Variants in C16orf78 observed in about 807,000 individuals in gnomAD.
C16orf78 encodes the protein chromosome 16 open reading frame 78.
Under a neutral mutation model 27.3 loss-of-function variants are expected in C16orf78, and 19 were observed. That is an observed-to-expected ratio of 0.70 (90% CI 0.49 to 1.02). The LOEUF (loss-of-function observed/expected upper bound fraction) is 1.02, where lower values mean the gene tolerates loss of function less well. C16orf78 is among the 50% of genes least tolerant of loss of function. The pLI is 0.00. For missense variants in C16orf78, 339 were observed against 337.0 expected (o/e 1.01, Z -0.05); for synonymous variants, 130 against 116.1 (o/e 1.12, Z -0.77).
intron 3 of C16orf78, among the ~76,000 whole-genome samples, chr16:49,381,109 G>A (rs1170139925): frequency 6.6e-5 from 10 of 152,138 alleles, no homozygotes; most frequent in East Asian, 1.9e-4. Context: ...TTGACTTGGC[G>A]ATGCGAGCTG....
chr16:49,388,626 C>A (rs1965376837), intron 3 of C16orf78, among the ~76,000 whole-genome samples: 1 of 152,164 alleles, frequency 6.6e-6, no homozygotes, highest in African/African-American at 2.4e-5. Context: ...ATCCTCCCAC[C>A]TCAGCCCCTC....
intron 3 of C16orf78, among the ~76,000 whole-genome samples, chr16:49,391,950 A>G (rs1965417585): frequency 6.6e-6 from 1 of 152,166 alleles, no homozygotes; most frequent in African/African-American, 2.4e-5. Context: ...CACCCTGTCA[A>G]GGACCAGCTA....
At chr16:49,382,028 T>C (rs1204038228) in intron 3 of C16orf78, among the ~76,000 whole-genome samples, 4 of 152,060 alleles carry the variant, frequency 2.6e-5, no homozygotes, top group Non-Finnish European at 5.9e-5. Context: ...TGTCCAACAA[T>C]GATAGACTGG....
intron 2 of C16orf78, 114 bp downstream of exon 2, chr16:49,377,964 A>C: frequency 7.3e-7 from 1 of 1,371,788 alleles, no homozygotes. Flanking sequence ...AGGCTCCGAA[A>C]TTCACTCTGG....
chr16:49,374,064 A>G lies in C16orf78; in HGVS notation c.125A>G (p.Gln42Arg), dbSNP rs1004065420. The G allele has an allele frequency of 1.2e-6, 2 of 1,614,154 alleles. No homozygotes were observed. The highest frequency in any genetic ancestry group is 1.7e-6 in the Non-Finnish European group (2 of 1,180,006). Residue 42 changes from glutamine to arginine, a missense_variant, in exon 1 of 5, where the codon CAG becomes CGG. By Grantham distance (43) the Gln-to-Arg change is conservative. Coordinates refer to ENST00000299191, the MANE Select transcript of C16orf78 (RefSeq NM_144602.4). ...GTGCTGGAGTGGCTGGAGCGGAGGC[A>G]GGGGAAGAAGAAACAAGCTCCCGAG... ...TCVLEWLERR[Q>R]GKKKQAPEKQ...
chr16:49,395,951 G>A (rs569333078), intron 3 of C16orf78, among the ~76,000 whole-genome samples: 1 of 152,226 alleles, frequency 6.6e-6, no homozygotes, highest in African/African-American at 2.4e-5. Flanking sequence ...AAATAAAGAA[G>A]GAGAACCTGG....
At chr16:49,383,185 AG>A (rs1330646700) in intron 3 of C16orf78, among the ~76,000 whole-genome samples, 1 of 152,242 alleles carries the variant, frequency 6.6e-6, no homozygotes, top group African/African-American at 2.4e-5. Flanking sequence ...AGAGGCATCT[AG>A]GAACAGTCTG....
intron 3 of C16orf78, among the ~76,000 whole-genome samples, chr16:49,383,263 A>T (rs1165870258): frequency 6.6e-6 from 1 of 152,236 alleles, no homozygotes; most frequent in African/African-American, 2.4e-5. Flanking sequence ...AGAGCCTCTC[A>T]TGTAGACTGG....
At chr16:49,380,729 A>G (rs1467194335) in intron 3 of C16orf78, among the ~76,000 whole-genome samples, 1 of 152,196 alleles carries the variant, frequency 6.6e-6, no homozygotes, top group Non-Finnish European at 1.5e-5. Context: ...CTGAATGGTA[A>G]TGCCTAAGTT....
chr16:49,379,452 T>C (rs556101748), intron 3 of C16orf78, among the ~76,000 whole-genome samples: 39 of 139,244 alleles, frequency 2.8e-4, no homozygotes, highest in South Asian at 1.3e-3. Flanking sequence ...CGGTCAATTC[T>C]CATATATAAA....
At chr16:49,374,960 A>G (rs1965195729) in intron 1 of C16orf78, among the ~76,000 whole-genome samples, 1 of 152,222 alleles carries the variant, frequency 6.6e-6, no homozygotes, top group Non-Finnish European at 1.5e-5. Context: ...AAATGCCATT[A>G]CTAATAACAA....
chr16:49,382,148 G>C (rs1200970326), intron 3 of C16orf78, among the ~76,000 whole-genome samples: 7 of 151,900 alleles, frequency 4.6e-5, no homozygotes, highest in Admixed American at 2.0e-4. Context: ...ATCATTCTCA[G>C]TAAACTATCG....
intron 4 of C16orf78, 150 bp from the exon 5 acceptor site, chr16:49,398,981 G>C: frequency 1.2e-6 from 1 of 805,346 alleles, no homozygotes; most frequent in South Asian, 1.9e-5. Flanking sequence ...TGTCTTATAA[G>C]GTCTCTATCA....
At chr16:49,398,434 C>T (rs556104306) in intron 4 of C16orf78, among the ~76,000 whole-genome samples, 24 of 152,270 alleles carry the variant, frequency 1.6e-4, no homozygotes, top group Admixed American at 1.3e-4. Flanking sequence ...AATTATGGGG[C>T]TCTAGCTAAT....
intron 3 of C16orf78, among the ~76,000 whole-genome samples, chr16:49,395,521 A>G (rs141976843): frequency 5.6e-4 from 85 of 152,200 alleles, no homozygotes; most frequent in Admixed American, 1.0e-3. Flanking sequence ...GGCCCAGTAA[A>G]ATTCTTCTTC....
chr16:49,390,832 C>T (rs886396714), intron 3 of C16orf78, among the ~76,000 whole-genome samples: 1 of 152,184 alleles, frequency 6.6e-6, no homozygotes, highest in Non-Finnish European at 1.5e-5. Context: ...AAGGGGACTG[C>T]TAGGCTCTGC....
rs527688199 is a variant in C16orf78, at chr16:49,384,563, T to C, written c.394+5970T>C. Among the ~76,000 whole-genome samples, 11 of 151,962 alleles carry C rather than the reference T, an allele frequency of 7.2e-5. No homozygotes were observed. In the South Asian group the frequency reaches 2.3e-3, roughly 32 times the overall value. On this transcript the variant is annotated intron_variant, in intron 3 of 4. Coordinates refer to ENST00000299191, the MANE Select transcript of C16orf78 (RefSeq NM_144602.4). Reference sequence around the variant, plus strand: ...GAAAGCCAACAGACTTATGGTACACTGGCAAGTGAAACAATACATATTATG... The same window carrying C: ...GAAAGCCAACAGACTTATGGTACACCGGCAAGTGAAACAATACATATTATG...
rs74018757 is a variant in C16orf78 at position 49,377,582 on chromosome 16, G to T, written c.151-149G>T. Reference sequence around the variant, plus strand: ...TACCAGGGCGCATCTGGAAGCAGAGGAACAGTGACGACAGGCCCTAGAGTG... The same window carrying T: ...TACCAGGGCGCATCTGGAAGCAGAGTAACAGTGACGACAGGCCCTAGAGTG... On this transcript the variant is annotated intron_variant, in intron 1 of 4. Coordinates refer to ENST00000299191, the MANE Select transcript of C16orf78 (RefSeq NM_144602.4). The T allele has an allele frequency of 9.5e-4, 979 of 1,029,822 alleles. 12 individuals are homozygous for T. The African/African-American group carries it at 0.013, about 14-fold the overall frequency. The allele number at this position is 1,029,822 out of a possible 1,614,324, so 63.8% of individuals were successfully genotyped here.
At chr16:49,384,841 G>A (rs904755496) in intron 3 of C16orf78, among the ~76,000 whole-genome samples, 2 of 152,214 alleles carry the variant, frequency 1.3e-5, no homozygotes, top group South Asian at 4.1e-4. Flanking sequence ...ACAAGACTAT[G>A]AGTAGACTTC....
Sources: gnomAD v4.1 joint callset for allele counts (sites outside exome capture counted in the v4.1 genomes callset) on GRCh38, gnomAD v4.1.1 for gene constraint, MANE v1.5 for transcripts, NCBI Gene and HGNC (gene_info 2026-07-23, HGNC 2026-07-21) for gene names.